The following HTR2A variants were observed in gnomAD, a reference collection of about 807,000 sequenced individuals.
The protein encoded by HTR2A is 5-HT2 receptor.
In HTR2A, 14 loss-of-function variants were observed where a neutral mutation model predicts 31.0. That is an observed-to-expected ratio of 0.45 (90% CI 0.30 to 0.71). HTR2A has a LOEUF of 0.71. Among genes scored for constraint, HTR2A ranks in the 30% least tolerant of loss-of-function variants. HTR2A has a pLI of 0.09. For synonymous variants in HTR2A, 209 were observed against 225.2 expected, an observed-to-expected ratio of 0.93 and a Z score of 0.64; for missense variants, 442 against 573.3, an observed-to-expected ratio of 0.77 and a Z score of 2.34.
At chr13:46,850,434 GC>G (rs1158517668) in intron 3 of HTR2A, among the ~76,000 whole-genome samples, 2 of 152,218 alleles carry the variant, frequency 1.3e-5, no homozygotes, top group Non-Finnish European at 2.9e-5. Context: ...TAGGCAAGTT[GC>G]CAAATGTCAC....
intron 3 of HTR2A, among the ~76,000 whole-genome samples, chr13:46,855,564 G>A (rs929590405): frequency 3.9e-5 from 6 of 151,956 alleles, no homozygotes; most frequent in East Asian, 3.9e-4. Flanking sequence ...TTATGCTTCC[G>A]GGACATTCTT....
chr13:46,863,086 T>C (rs937782106), intron 3 of HTR2A, among the ~76,000 whole-genome samples: 1 of 152,240 alleles, frequency 6.6e-6, no homozygotes, highest in African/African-American at 2.4e-5. Flanking sequence ...CAATTGTGAC[T>C]CTTTAATTCA....
At chr13:46,876,396 A>G (rs1392472346) in intron 3 of HTR2A, among the ~76,000 whole-genome samples, 3,243 of 85,162 alleles carry the variant, frequency 0.038, 73 homozygotes, top group South Asian at 0.092. Context: ...ATATATATAT[A>G]TATATATATT....
At chr13:46,893,009 G>T (rs552310981) in intron 2 of HTR2A, among the ~76,000 whole-genome samples, 1 of 152,302 alleles carries the variant, frequency 6.6e-6, no homozygotes, top group African/African-American at 2.4e-5. Flanking sequence ...ATTTCCCTAA[G>T]GTTAGTCTCA....
chr13:46,839,949 TG>T (rs1950585940), intron 3 of HTR2A, among the ~76,000 whole-genome samples: 1 of 152,164 alleles, frequency 6.6e-6, no homozygotes, highest in Non-Finnish European at 1.5e-5. Flanking sequence ...GTACATTTCT[TG>T]GGAAATAAGA....
At chr13:46,878,237 A>T (rs771841858) in intron 3 of HTR2A, among the ~76,000 whole-genome samples, 1 of 152,174 alleles carries the variant, frequency 6.6e-6, no homozygotes, top group Non-Finnish European at 1.5e-5. Context: ...GAGAAAACTG[A>T]TCTAGGAAAC....
intron 3 of HTR2A, among the ~76,000 whole-genome samples, chr13:46,863,288 A>C (rs1033630220): frequency 2.4e-4 from 37 of 152,198 alleles, no homozygotes; most frequent in Non-Finnish European, 4.6e-4. Context: ...AAAAGGGAAT[A>C]AGAACAAAAG....
chr13:46,881,784 C>T (rs892849972), intron 3 of HTR2A, among the ~76,000 whole-genome samples: 9 of 152,184 alleles, frequency 5.9e-5, no homozygotes. Context: ...AAGTGGATTC[C>T]TCAGATAGTT....
intron 3 of HTR2A, among the ~76,000 whole-genome samples, chr13:46,871,097 T>C (rs1377567930): frequency 6.6e-6 from 1 of 152,186 alleles, no homozygotes; most frequent in Non-Finnish European, 1.5e-5. Context: ...GACACGTGCC[T>C]GCATGAGCTT....
chr13:46,854,459 A>G (rs1405971405), intron 3 of HTR2A, among the ~76,000 whole-genome samples: 1 of 152,196 alleles, frequency 6.6e-6, no homozygotes, highest in Non-Finnish European at 1.5e-5. Flanking sequence ...AGATTTTTAT[A>G]TTACAAGAGG....
At chr13:46,878,366 C>A (rs1299619844) in intron 3 of HTR2A, among the ~76,000 whole-genome samples, 3 of 152,178 alleles carry the variant, frequency 2.0e-5, no homozygotes, top group Admixed American at 2.0e-4. Context: ...GCTAAGACAG[C>A]CTTCAGGAGA....
chr13:46,854,936 C>A (rs536154201), intron 3 of HTR2A, among the ~76,000 whole-genome samples: 73 of 152,192 alleles, frequency 4.8e-4, no homozygotes, highest in African/African-American at 1.6e-3. Context: ...TAATCCACTA[C>A]GACTGAACTT....
At chr13:46,841,851 C>T (rs1428672613) in intron 3 of HTR2A, among the ~76,000 whole-genome samples, 3 of 152,140 alleles carry the variant, frequency 2.0e-5, no homozygotes, top group African/African-American at 7.2e-5. Flanking sequence ...TCTCTTGTCT[C>T]AGAGAAGATT....
Position 46,895,832 on chromosome 13 carries a change from G to A in HTR2A, c.75C>T (p.Thr25=). Residue 25 remains threonine (T), a synonymous_variant, in exon 2 of 4, where the codon ACC becomes ACT. Transcript: ENST00000542664. This position sits in a 1 kb window ranked among gnomAD's most constrained non-coding sequence, Gnocchi z 4.4. The part of the protein sequence containing the change: ...TNSLMQLNDD[T]RLYSNDFNSG... ...AGTTAAAGTCATTACTGTAGAGCCTGGTGTCATCATTTAATTGCATTAGGG... is the reference window on the plus strand; with the variant it reads ...AGTTAAAGTCATTACTGTAGAGCCTAGTGTCATCATTTAATTGCATTAGGG... 6.2e-7 allele frequency: 1 copy of A among 1,614,028 alleles called. No homozygotes were observed.
intron 3 of HTR2A, among the ~76,000 whole-genome samples, chr13:46,888,715 TAA>T (rs1292010903): frequency 6.6e-6 from 1 of 152,178 alleles, no homozygotes; most frequent in Non-Finnish European, 1.5e-5. Flanking sequence ...CTTATGGGTT[TAA>T]AAAAGACATT....
chr13:46,879,682 G>C (rs897818053), intron 3 of HTR2A, among the ~76,000 whole-genome samples: 1 of 152,150 alleles, frequency 6.6e-6, no homozygotes, highest in Non-Finnish European at 1.5e-5. Context: ...GCAATCAAAG[G>C]CTGTAAAAAG....
At chr13:46,860,934 T>C (rs1950774142) in intron 3 of HTR2A, among the ~76,000 whole-genome samples, 1 of 152,102 alleles carries the variant, frequency 6.6e-6, no homozygotes, top group African/African-American at 2.4e-5. Context: ...TGATGAAAAA[T>C]GAATGGCTCC....
intron 3 of HTR2A, chr13:46,856,396 A>G (rs534194588): frequency 6.6e-6 from 1 of 152,286 alleles, no homozygotes; most frequent in South Asian, 2.1e-4. Flanking sequence ...TTCTTCATAC[A>G]CTGCAAGTTT....
At chr13:46,885,387 C>T (rs1479651330) in intron 3 of HTR2A, among the ~76,000 whole-genome samples, 1 of 152,094 alleles carries the variant, frequency 6.6e-6, no homozygotes, top group Non-Finnish European at 1.5e-5. Context: ...TTGAATTTTC[C>T]ATTTAACAAT....
Sources: allele counts gnomAD v4.1 joint callset (sites outside exome capture counted in the v4.1 genomes callset), GRCh38; gene constraint gnomAD v4.1.1; non-coding constraint Gnocchi (gnomAD v3.1); transcripts MANE v1.5; gene names NCBI Gene and HGNC (gene_info 2026-07-23, HGNC 2026-07-21).